SMYD3: variants seen among roughly 807,000 people sequenced by gnomAD.
The protein encoded by SMYD3 is histone-lysine N-methyltransferase SMYD3.
Under a neutral mutation model 57.7 loss-of-function variants are expected in SMYD3, and 36 were observed. The ratio of observed to expected loss-of-function variants is 0.62; its 90% CI spans 0.48 to 0.82. The LOEUF (loss-of-function observed/expected upper bound fraction) is 0.82. Among genes scored for constraint, SMYD3 ranks in the 40% least tolerant of loss-of-function variants. The pLI is 0.00. For missense variants in SMYD3, 515 were observed against 538.8 expected, an observed-to-expected ratio of 0.96 and a Z score of 0.44; for synonymous variants, 211 against 195.0, an observed-to-expected ratio of 1.08 and a Z score of -0.68.
intron 5 of SMYD3, among the ~76,000 whole-genome samples, chr1:246,150,895 G>C (rs779107843): frequency 1.3e-5 from 2 of 152,206 alleles, no homozygotes; most frequent in Admixed American, 6.5e-5. Flanking sequence ...GATGGAGGAA[G>C]GCTTGTTCAG....
chr1:246,279,370 A>C (rs1351165842), intron 5 of SMYD3, among the ~76,000 whole-genome samples: 1 of 151,880 alleles, frequency 6.6e-6, no homozygotes, highest in Non-Finnish European at 1.5e-5. Context: ...AAAACACAAA[A>C]ATTAGCTGGG....
At chr1:246,506,993 C>CCCCCCCCCCCCCCCCCCCCCACCA in intron 1 of SMYD3, 61 bp downstream of exon 1, 1 of 884,058 alleles carries the variant, frequency 1.1e-6, no homozygotes, top group Non-Finnish European at 1.5e-6. Flanking sequence ...CCCGACGCCC[C>CCCCCCCCCCCCCCCCCCCCCACCA]CCCCTCCCCA....
intron 10 of SMYD3, among the ~76,000 whole-genome samples, chr1:245,767,137 G>A (rs954612155): frequency 3.9e-5 from 6 of 152,296 alleles, no homozygotes; most frequent in African/African-American, 1.4e-4. Context: ...GAGCAGGGAT[G>A]GGGAGAGAAG....
chr1:245,820,295 CA>C (rs1178093959), intron 10 of SMYD3, among the ~76,000 whole-genome samples: 2 of 151,440 alleles, frequency 1.3e-5, no homozygotes, highest in Non-Finnish European at 2.9e-5. Context: ...AGACAAAAAC[CA>C]AATGACTATC....
intron 1 of SMYD3, among the ~76,000 whole-genome samples, chr1:246,450,853 T>G (rs1412227300): frequency 6.6e-6 from 1 of 152,228 alleles, no homozygotes; most frequent in African/African-American, 2.4e-5. Context: ...TATAAACGTA[T>G]TTAAATTTTA....
chr1:245,982,145 G>T (rs998721039), intron 5 of SMYD3, among the ~76,000 whole-genome samples: 2 of 149,852 alleles, frequency 1.3e-5, no homozygotes, highest in Non-Finnish European at 1.5e-5. Flanking sequence ...ATCACATTTC[G>T]AGTTTTTGAG....
intron 5 of SMYD3, among the ~76,000 whole-genome samples, chr1:245,938,804 C>T (rs2057090953): frequency 6.6e-6 from 1 of 152,096 alleles, no homozygotes; most frequent in Non-Finnish European, 1.5e-5. Context: ...CTTTCCTGAC[C>T]AGATTCCTGA....
intron 10 of SMYD3, among the ~76,000 whole-genome samples, chr1:245,811,941 C>T (rs553626653): frequency 2.1e-4 from 32 of 152,294 alleles, no homozygotes; most frequent in African/African-American, 7.0e-4. Context: ...GTGTCCACTC[C>T]GAAGCCCGTT....
intron 1 of SMYD3, among the ~76,000 whole-genome samples, chr1:246,485,539 T>C (rs1448312099): frequency 1.2e-4 from 18 of 151,984 alleles, no homozygotes; most frequent in Admixed American, 4.6e-4. Context: ...TCCAACACTT[T>C]GGGAGGCTGA....
At position 246,330,507 on chromosome 1, in the gene SMYD3, G is replaced by C. The variant is rs1362854398; in HGVS notation, c.367C>G (p.Leu123Val). Residue 123 changes from leucine to valine, a missense_variant, in exon 4 of 12, where the codon CTT becomes GTT. Physicochemically the swap from Leu to Val is conservative, Grantham distance 32. Coordinates refer to ENST00000490107, the MANE Select transcript of SMYD3 (RefSeq NM_001167740.2). ...MDGAPSESEK[L>V]YSFYDLESNI... is the part of the protein sequence containing the mutation. ...GACTCCAGATCATAAAATGAGTAAA[G>C]CTTCTCTGATTCTGAAGGTGCTCCA... is the stretch of plus-strand genomic sequence containing the variant. The C allele has an allele frequency of 6.3e-7, 1 of 1,594,380 alleles. No homozygotes were observed. The highest frequency in any genetic ancestry group is 1.3e-5 in the African/African-American group (1 of 74,452).
At chr1:246,210,099 G>C (rs1357354753) in intron 5 of SMYD3, among the ~76,000 whole-genome samples, 1 of 152,086 alleles carries the variant, frequency 6.6e-6, no homozygotes, top group Non-Finnish European at 1.5e-5. Context: ...CCAGACCTCA[G>C]GTAACAGGAC....
chr1:246,348,098 T>TATGAAGCC (rs537359736), intron 2 of SMYD3, among the ~76,000 whole-genome samples: 1,231 of 60,710 alleles, frequency 0.02, 24 homozygotes, highest in Middle Eastern at 0.064. Context: ...CATCAAATAC[T>TATGAAGCC]ATGAAGCCAT....
At chr1:246,352,067 G>C (rs776022555) in intron 2 of SMYD3, among the ~76,000 whole-genome samples, 4 of 150,298 alleles carry the variant, frequency 2.7e-5, no homozygotes, top group Non-Finnish European at 5.9e-5. Context: ...AACCTGGGAG[G>C]TGGAGGTTGC....
intron 5 of SMYD3, among the ~76,000 whole-genome samples, chr1:246,133,825 A>G (rs776248581): frequency 6.6e-6 from 1 of 152,176 alleles, no homozygotes; most frequent in Non-Finnish European, 1.5e-5. Flanking sequence ...CTATTTTATA[A>G]TAGCCACAGC....
chr1:246,350,253 A>T (rs1189014749), intron 2 of SMYD3, among the ~76,000 whole-genome samples: 1 of 152,094 alleles, frequency 6.6e-6, no homozygotes, highest in Non-Finnish European at 1.5e-5. Context: ...CTGTCTCTCT[A>T]CTCCATAACA....
chr1:246,434,438 A>G (rs886602321), intron 1 of SMYD3, among the ~76,000 whole-genome samples: 1 of 152,228 alleles, frequency 6.6e-6, no homozygotes, highest in African/African-American at 2.4e-5. Context: ...TCTATAATGA[A>G]CTTAATTCAA....
chr1:246,232,213 T>C (rs2063419256), intron 5 of SMYD3, among the ~76,000 whole-genome samples: 1 of 152,154 alleles, frequency 6.6e-6, no homozygotes, highest in African/African-American at 2.4e-5. Context: ...AATGGATCAC[T>C]GGACTGAAAA....
At chr1:245,943,702 C>T (rs944946836) in intron 5 of SMYD3, among the ~76,000 whole-genome samples, 6 of 152,168 alleles carry the variant, frequency 3.9e-5, no homozygotes. Context: ...CAGGCCAATA[C>T]TCCTGATGAA....
intron 5 of SMYD3, among the ~76,000 whole-genome samples, chr1:246,195,902 G>A (rs1189466002): frequency 6.6e-6 from 1 of 152,132 alleles, no homozygotes; most frequent in Non-Finnish European, 1.5e-5. Context: ...TGTTGCAGTG[G>A]TTGGCTGCCT....
Sources: gnomAD v4.1 joint callset for allele counts (sites outside exome capture counted in the v4.1 genomes callset) on GRCh38, gnomAD v4.1.1 for gene constraint, MANE v1.5 for transcripts, NCBI Gene and HGNC (gene_info 2026-07-23, HGNC 2026-07-21) for gene names.